FHIT: variants seen among roughly 807,000 people sequenced by gnomAD.
FHIT encodes the protein fragile histidine triad diadenosine triphosphatase.
A neutral mutation model predicts 17.9 loss-of-function variants in FHIT; 19 were observed. The ratio of observed to expected loss-of-function variants is 1.06; its 90% CI spans 0.74 to 1.56. The LOEUF (loss-of-function observed/expected upper bound fraction) is 1.56. Ranked by LOEUF, FHIT falls within the 40% of genes most tolerant of loss-of-function variation. The pLI is 0.00. For missense variants in FHIT, 248 were observed against 189.2 expected (o/e 1.31, Z -1.82); for synonymous variants, 81 against 69.7 (o/e 1.16, Z -0.81).
intron 8 of FHIT, among the ~76,000 whole-genome samples, chr3:59,798,709 C>T (rs1699876907): frequency 6.6e-6 from 1 of 152,204 alleles, no homozygotes; most frequent in Admixed American, 6.5e-5. Context: ...ACTTGGTTCC[C>T]AACAGGATGA....
At chr3:60,366,069 C>T (rs751581155) in intron 5 of FHIT, among the ~76,000 whole-genome samples, 9 of 152,174 alleles carry the variant, frequency 5.9e-5, no homozygotes, top group Non-Finnish European at 1.0e-4. Context: ...ATGGGTATTG[C>T]TTTGCATGAT....
At chr3:60,964,735 G>T (rs1358115704) in intron 3 of FHIT, among the ~76,000 whole-genome samples, 4 of 152,044 alleles carry the variant, frequency 2.6e-5, no homozygotes, top group African/African-American at 4.8e-5. Flanking sequence ...GAAAATTCTT[G>T]TCTTTAAGAA....
chr3:61,052,238 G>C (rs1448013342), intron 2 of FHIT, among the ~76,000 whole-genome samples: 2 of 152,202 alleles, frequency 1.3e-5, no homozygotes, highest in Non-Finnish European at 2.9e-5. Context: ...GAACCCTGAT[G>C]CAGTAACTCT....
At chr3:61,240,860 G>A (rs2040356887) in intron 1 of FHIT, among the ~76,000 whole-genome samples, 1 of 152,174 alleles carries the variant, frequency 6.6e-6, no homozygotes, top group Admixed American at 6.5e-5. Context: ...ATTGGGAAAG[G>A]TTGGTGGCAC....
intron 3 of FHIT, among the ~76,000 whole-genome samples, chr3:60,880,539 CCTGA>C (rs1305558459): frequency 1.3e-5 from 2 of 152,210 alleles, no homozygotes; most frequent in Non-Finnish European, 2.9e-5. Flanking sequence ...TCAAGACCAG[CCTGA>C]CTAACATGGA....
intron 2 of FHIT, among the ~76,000 whole-genome samples, chr3:61,142,798 G>C (rs1016410132): frequency 6.6e-6 from 1 of 152,018 alleles, no homozygotes; most frequent in Non-Finnish European, 1.5e-5. Context: ...TTTAAAATTA[G>C]GCTGTTAGCC....
chr3:60,739,308 C>T (rs2042197765), intron 4 of FHIT, among the ~76,000 whole-genome samples: 1 of 152,226 alleles, frequency 6.6e-6, no homozygotes, highest in Non-Finnish European at 1.5e-5. Context: ...CTGGTTAACA[C>T]TTAAGCTATC....
chr3:60,368,190 CTT>C (rs142853246), intron 5 of FHIT, among the ~76,000 whole-genome samples: 4,551 of 122,858 alleles, frequency 0.037, 126 homozygotes, highest in African/African-American at 0.081. Flanking sequence ...TAAAACATAT[CTT>C]TTTAAAAAAA....
intron 5 of FHIT, among the ~76,000 whole-genome samples, chr3:60,363,135 A>G (rs1022277753): frequency 2.0e-5 from 3 of 152,136 alleles, no homozygotes; most frequent in Non-Finnish European, 4.4e-5. Context: ...ATAAAAATAA[A>G]AAGAGGTGCA....
At chr3:60,744,500 C>A (rs1447403614) in intron 4 of FHIT, among the ~76,000 whole-genome samples, 1 of 152,110 alleles carries the variant, frequency 6.6e-6, no homozygotes, top group Non-Finnish European at 1.5e-5. Context: ...CCCTCAAAAA[C>A]AGAGAAACAG....
intron 1 of FHIT, among the ~76,000 whole-genome samples, chr3:61,217,905 A>G (rs2039730357): frequency 6.6e-6 from 1 of 152,256 alleles, no homozygotes; most frequent in Non-Finnish European, 1.5e-5. Flanking sequence ...ATTTTATGAC[A>G]GTTTCCCTTT....
intron 5 of FHIT, among the ~76,000 whole-genome samples, chr3:60,259,360 G>A (rs145886398): frequency 2.0e-5 from 3 of 152,248 alleles, no homozygotes; most frequent in African/African-American, 7.2e-5. Flanking sequence ...TCAGGGGAAA[G>A]CTATGGAATC....
At chr3:60,250,841 G>A (rs1242602687) in intron 5 of FHIT, among the ~76,000 whole-genome samples, 1 of 152,168 alleles carries the variant, frequency 6.6e-6, no homozygotes, top group Non-Finnish European at 1.5e-5. Context: ...GTGATGGATT[G>A]TGATGTGTAC....
intron 8 of FHIT, among the ~76,000 whole-genome samples, chr3:59,789,425 AAC>A (rs1575496918): frequency 1.3e-5 from 2 of 152,190 alleles, no homozygotes; most frequent in African/African-American, 4.8e-5. Context: ...TTTAATGAAA[AAC>A]ACTATGCATT....
rs75772772 is a variant in FHIT at position 59,811,967 on chromosome 3, C to T, written c.349-59646G>A. On this transcript the variant is annotated intron_variant, in intron 8 of 9. Coordinates refer to ENST00000492590, the MANE Select transcript of FHIT (RefSeq NM_002012.4). ...TGTGCCCCCTTGGCAGCTCATCCTA[C>T]CCCGTGGCAGCTCATCCTACCTAGG... Among the ~76,000 whole-genome samples the T allele has an allele frequency of 2.0e-4, 30 of 152,300 alleles. No individual in the cohort carries two copies. The East Asian group carries it at 5.8e-3, about 29-fold the overall frequency.
At chr3:61,050,160 G>A (rs1177592870) in intron 2 of FHIT, among the ~76,000 whole-genome samples, 1 of 152,094 alleles carries the variant, frequency 6.6e-6, no homozygotes, top group Non-Finnish European at 1.5e-5. Flanking sequence ...CTTTTCTCTT[G>A]TAAATCTATC....
chr3:60,116,101 T>C (rs966930225), intron 5 of FHIT, among the ~76,000 whole-genome samples: 1 of 152,166 alleles, frequency 6.6e-6, no homozygotes, highest in African/African-American at 2.4e-5. Flanking sequence ...TAGCGTTAAC[T>C]ATAGACTAGT....
At chr3:60,860,458 G>A (rs577456737) in intron 3 of FHIT, among the ~76,000 whole-genome samples, 12 of 118,258 alleles carry the variant, frequency 1.0e-4, no homozygotes, top group Admixed American at 8.6e-5. Flanking sequence ...TGATACATAT[G>A]TACATATATA....
chr3:60,782,179 T>C (rs1379974437), intron 4 of FHIT, among the ~76,000 whole-genome samples: 2 of 151,786 alleles, frequency 1.3e-5, no homozygotes, highest in Non-Finnish European at 2.9e-5. Context: ...TGGTCAAAAA[T>C]GGCAAAATTT....
Sources: gnomAD v4.1 joint callset for allele counts (sites outside exome capture counted in the v4.1 genomes callset) on GRCh38, gnomAD v4.1.1 for gene constraint, MANE v1.5 for transcripts, NCBI Gene and HGNC (gene_info 2026-07-23, HGNC 2026-07-21) for gene names.